Variants in AUTS2 observed in about 807,000 individuals in gnomAD.
The protein encoded by AUTS2 is activator of transcription and developmental regulator AUTS2, also known as autism susceptibility gene 2 protein.
Under a neutral mutation model 112.4 loss-of-function variants are expected in AUTS2, and 17 were observed. That is an observed-to-expected ratio of 0.15 (90% CI 0.10 to 0.23). AUTS2 has a LOEUF of 0.23. Ranked by LOEUF, AUTS2 falls within the 10% of genes least tolerant of loss-of-function variation. AUTS2 has a pLI of 1.00. For missense variants in AUTS2, 1,510 were observed against 1,701.6 expected (o/e 0.89, Z 1.98); for synonymous variants, 751 against 702.7 (o/e 1.07, Z -1.09).
At chr7:69,896,357 C>T (rs988208167) in intron 1 of AUTS2, among the ~76,000 whole-genome samples, 14 of 152,164 alleles carry the variant, frequency 9.2e-5, no homozygotes, top group Admixed American at 5.9e-4. Context: ...GCTACCTCTC[C>T]GATGGCAGAG....
chr7:70,730,694 T>C (rs4718989), intron 6 of AUTS2, among the ~76,000 whole-genome samples: 34,827 of 152,166 alleles, frequency 0.23, 4,851 homozygotes, highest in East Asian at 0.58. Context: ...TTTGGCTACT[T>C]TGAATAATGC....
chr7:69,999,948 G>A (rs532690304), intron 2 of AUTS2, among the ~76,000 whole-genome samples: 215 of 152,232 alleles, frequency 1.4e-3, no homozygotes, highest in African/African-American at 5.0e-3. Context: ...TAATGCACTT[G>A]GCAAACCGAA....
chr7:69,689,533 G>T (rs1797221829), intron 1 of AUTS2, among the ~76,000 whole-genome samples: 1 of 149,900 alleles, frequency 6.7e-6, no homozygotes, highest in African/African-American at 2.4e-5. Flanking sequence ...GTAGAGACAG[G>T]GTTTCACCGT....
chr7:70,310,479 G>C (rs960814765), intron 4 of AUTS2, among the ~76,000 whole-genome samples: 5 of 152,118 alleles, frequency 3.3e-5, no homozygotes, highest in Non-Finnish European at 5.9e-5. Context: ...TGGGCGTGGT[G>C]GTGGGCGCCT....
At position 70,418,075 on chromosome 7, in the gene AUTS2, C is replaced by CTGTGTGTG. The variant is rs34869843; in HGVS notation, c.661-17647_661-17640dup. On this transcript the variant is annotated intron_variant, in intron 4 of 18. Coordinates refer to ENST00000342771, the MANE Select transcript of AUTS2 (RefSeq NM_015570.4). ...TCACCCAGGCTTGGTGGCTAACTTT[C>CTGTGTGTG]TGTGTGTGTGTGTGTGTGTGTGTGT... Among the ~76,000 whole-genome samples the CTGTGTGTG allele has an allele frequency of 4.3e-3, 583 of 136,454 alleles. 2 individuals are homozygous for CTGTGTGTG. The highest frequency in any genetic ancestry group is 6.6e-3 in the African/African-American group (249 of 38,010). The allele number at this position is 136,454 out of a possible 152,430, so 89.5% of individuals were successfully genotyped here.
chr7:70,265,974 T>C (rs1487302617), intron 4 of AUTS2, among the ~76,000 whole-genome samples: 24 of 152,212 alleles, frequency 1.6e-4, no homozygotes, highest in Admixed American at 1.5e-3. Flanking sequence ...ACAGTGTGGA[T>C]GTTGTGTGTT....
At chr7:70,087,299 A>AT (rs1029211339) in intron 2 of AUTS2, among the ~76,000 whole-genome samples, 2 of 151,008 alleles carry the variant, frequency 1.3e-5, no homozygotes, top group Admixed American at 1.3e-4. Context: ...AACATGATAT[A>AT]TTTTTATAAA....
chr7:70,629,416 G>C (rs1805138823), intron 5 of AUTS2, among the ~76,000 whole-genome samples: 1 of 151,976 alleles, frequency 6.6e-6, no homozygotes, highest in Non-Finnish European at 1.5e-5. Context: ...AGGCTGCCGT[G>C]AGCTGAGATC....
At chr7:70,095,686 A>C (rs1322737768) in intron 2 of AUTS2, among the ~76,000 whole-genome samples, 3 of 152,164 alleles carry the variant, frequency 2.0e-5, no homozygotes, top group Non-Finnish European at 2.9e-5. Flanking sequence ...ACAGTTATAC[A>C]CTTAAAATTT....
intron 1 of AUTS2, among the ~76,000 whole-genome samples, chr7:69,795,276 G>GA (rs1213709004): frequency 6.6e-6 from 1 of 152,204 alleles, no homozygotes; most frequent in East Asian, 1.9e-4. Context: ...AAAAAGATTT[G>GA]AAAGGGAGGT....
At chr7:70,653,328 A>G (rs1269955045) in intron 5 of AUTS2, among the ~76,000 whole-genome samples, 1 of 152,188 alleles carries the variant, frequency 6.6e-6, no homozygotes, top group Non-Finnish European at 1.5e-5. Context: ...TGCCTTGTAA[A>G]TGGCTTTTGA....
chr7:69,712,090 C>T (rs1367463387), intron 1 of AUTS2, among the ~76,000 whole-genome samples: 1 of 152,160 alleles, frequency 6.6e-6, no homozygotes, highest in African/African-American at 2.4e-5. Flanking sequence ...TATCGCACTT[C>T]ATCCTTCCCT....
At chr7:70,203,113 A>C (rs1358688248) in intron 4 of AUTS2, among the ~76,000 whole-genome samples, 1 of 143,684 alleles carries the variant, frequency 7.0e-6, no homozygotes, top group Non-Finnish European at 1.5e-5. Context: ...CAAACACCGC[A>C]TATTCTCACT....
chr7:70,398,184 A>G (rs1794169832), intron 4 of AUTS2, among the ~76,000 whole-genome samples: 1 of 152,190 alleles, frequency 6.6e-6, no homozygotes, highest in African/African-American at 2.4e-5. Flanking sequence ...ATACCACATC[A>G]TTTGGTTACT....
rs774693959 is a variant in AUTS2, at chr7:70,789,733, C to T, written c.2532-15C>T. 3 of 1,603,346 alleles carry T rather than the reference C, an allele frequency of 1.9e-6. No individual in the cohort carries two copies. The highest frequency in any genetic ancestry group is 2.6e-6 in the Non-Finnish European group (3 of 1,173,896). ...TCATTTCATCTGCGTCCTTGTCTTC[C>T]CCTCTCTCCCCCAGGGAAAGCGTCG... On this transcript the variant is annotated splice_polypyrimidine_tract_variant and intron_variant, in intron 18 of 18. Coordinates refer to ENST00000342771, the MANE Select transcript of AUTS2 (RefSeq NM_015570.4).
Position 70,355,665 on chromosome 7 carries a change from A to C in AUTS2, c.661-80087A>C, listed in dbSNP as rs1659286772. ...TTCCCTGCCAGTGAGAGCAGAGTGTATAATGGTGTTGCCCTCCACCGGGGA... is the reference window on the plus strand; with the variant it reads ...TTCCCTGCCAGTGAGAGCAGAGTGTCTAATGGTGTTGCCCTCCACCGGGGA... On this transcript the variant is annotated intron_variant, in intron 4 of 18. Coordinates refer to ENST00000342771, the MANE Select transcript of AUTS2 (RefSeq NM_015570.4). Among the ~76,000 whole-genome samples, 3 of 152,160 alleles carry C rather than the reference A, an allele frequency of 2.0e-5. No individual in the cohort carries two copies. In the South Asian group the frequency reaches 6.2e-4, roughly 32 times the overall value.
chr7:70,003,229 AT>A (rs1799295316), intron 2 of AUTS2, among the ~76,000 whole-genome samples: 1 of 134,004 alleles, frequency 7.5e-6, no homozygotes, highest in South Asian at 2.2e-4. Flanking sequence ...ATATGAATAT[AT>A]TATATATGAA....
At chr7:70,054,890 A>G (rs987944692) in intron 2 of AUTS2, among the ~76,000 whole-genome samples, 3 of 152,006 alleles carry the variant, frequency 2.0e-5, no homozygotes, top group Non-Finnish European at 2.9e-5. Flanking sequence ...TGTAATTCCA[A>G]TCTCACTATT....
chr7:70,643,575 AAT>A (rs1049804372), intron 5 of AUTS2, among the ~76,000 whole-genome samples: 1 of 152,210 alleles, frequency 6.6e-6, no homozygotes, highest in Non-Finnish European at 1.5e-5. Context: ...GTCTAAAAAA[AAT>A]AAAATAAAGT....
Sources: gnomAD v4.1 joint callset for allele counts (sites outside exome capture counted in the v4.1 genomes callset) on GRCh38, gnomAD v4.1.1 for gene constraint, MANE v1.5 for transcripts, NCBI Gene and HGNC (gene_info 2026-07-23, HGNC 2026-07-21) for gene names.